Variants in SYNJ1 observed in about 807,000 individuals in gnomAD.
SYNJ1 encodes polyphosphatidylinositol phosphatase SYNJ1.
SYNJ1 carries 78 observed loss-of-function variants against 168.2 expected under a neutral mutation model. The ratio of observed to expected loss-of-function variants is 0.46; its 90% CI spans 0.39 to 0.56. The LOEUF is 0.56. Ranked by LOEUF, SYNJ1 falls within the 20% of genes least tolerant of loss-of-function variation. The pLI is 0.00. For missense variants in SYNJ1, 1,303 were observed against 1,597.6 expected (o/e 0.82, Z 3.14); for synonymous variants, 539 against 548.6 (o/e 0.98, Z 0.24).
chr21:32,710,846 C>T (rs1483689062), intron 2 of SYNJ1, among the ~76,000 whole-genome samples: 2 of 152,072 alleles, frequency 1.3e-5, no homozygotes, highest in Admixed American at 6.6e-5. Context: ...AGAATGGAGG[C>T]CTTAGGAAGG....
intron 2 of SYNJ1, among the ~76,000 whole-genome samples, chr21:32,725,066 T>C (rs2043397369): frequency 6.6e-6 from 1 of 152,236 alleles, no homozygotes; most frequent in Non-Finnish European, 1.5e-5. Flanking sequence ...TTGGAAATAT[T>C]ATTATTCTTA....
At chr21:32,696,296 A>C (rs2146187570) in intron 4 of SYNJ1, among the ~76,000 whole-genome samples, 2 of 152,340 alleles carry the variant, frequency 1.3e-5, no homozygotes, top group South Asian at 4.1e-4. Flanking sequence ...TTAGCATTCT[A>C]GGTAACAGAT....
chr21:32,718,241 T>G (rs1295316370), intron 2 of SYNJ1, among the ~76,000 whole-genome samples: 1 of 152,208 alleles, frequency 6.6e-6, no homozygotes, highest in Non-Finnish European at 1.5e-5. Context: ...CCTTTCCTTT[T>G]TATTTCCTCA....
At chr21:32,659,225 A>C (rs2040583266) in intron 18 of SYNJ1, among the ~76,000 whole-genome samples, 1 of 152,120 alleles carries the variant, frequency 6.6e-6, no homozygotes, top group Admixed American at 6.5e-5. Context: ...CAAAAAAAAA[A>C]CAGCCCTAAA....
At chr21:32,646,103 A>G in intron 24 of SYNJ1, 1 of 678,950 alleles carries the variant, frequency 1.5e-6, no homozygotes, top group South Asian at 1.5e-5. Context: ...GCCAGTAGAG[A>G]GAAGAAAAAG....
At chr21:32,713,098 A>G (rs995561968) in intron 2 of SYNJ1, among the ~76,000 whole-genome samples, 13 of 152,282 alleles carry the variant, frequency 8.5e-5, no homozygotes, top group African/African-American at 2.4e-4. Flanking sequence ...TGAGTAAACT[A>G]CTGCCACTTG....
intron 13 of SYNJ1, among the ~76,000 whole-genome samples, chr21:32,676,013 T>C (rs975813653): frequency 2.4e-4 from 36 of 152,134 alleles, no homozygotes; most frequent in Non-Finnish European, 5.9e-5. Context: ...CTATTAAGAG[T>C]AAGGCATAAC....
In SYNJ1 at chr21:32,639,735, G is replaced by A. The variant is rs771394723; in HGVS notation, c.3633C>T (p.His1211=). 8 of 1,614,134 alleles carry A rather than the reference G, an allele frequency of 5.0e-6. No individual in the cohort carries two copies. Among genetic ancestry groups the A allele is most frequent in the Non-Finnish European group, 5.9e-6 (7 of 1,180,018 alleles). ...TCAGTCTTCCAGCAGATGCCCGCGC[G>A]TGGCTCTGTGGGGCACTGATAACTC... ...RAGVISAPQS[H]ARASAGRLTP... Residue 1211 remains histidine (H), a synonymous_variant, in exon 30 of 33, where the codon CAC becomes CAT. Coordinates refer to ENST00000674351, the MANE Select transcript of SYNJ1 (RefSeq NM_203446.3).
chr21:32,692,885 AC>A (rs1172773399), intron 6 of SYNJ1, among the ~76,000 whole-genome samples: 2 of 152,018 alleles, frequency 1.3e-5, no homozygotes, highest in African/African-American at 4.8e-5. Flanking sequence ...CCCTGTCTCT[AC>A]AAAAAATAGT....
chr21:32,646,567 G>T lies in SYNJ1; in HGVS notation c.3073C>A (p.Leu1025Ile), dbSNP rs1303933213. ...VDDYSAEVEELLPQHLQPSSS... is the reference protein window; with the variant it reads ...VDDYSAEVEEILPQHLQPSSS... ...GATGGCTGGAGATGCTGAGGAAGAA[G>T]TTCCTCCACTTCAGCACTATAGTCA... Residue 1025 changes from leucine (L) to isoleucine (I), a missense_variant, in exon 24 of 33, where the codon CTT becomes ATT. Coordinates refer to ENST00000674351, the MANE Select transcript of SYNJ1 (RefSeq NM_203446.3). 6.2e-7 allele frequency: 1 copy of T among 1,614,134 alleles called. No homozygotes were observed. The highest frequency in any genetic ancestry group is 1.1e-5 in the South Asian group (1 of 91,084).
intron 2 of SYNJ1, among the ~76,000 whole-genome samples, chr21:32,719,985 A>G (rs956092996): frequency 2.0e-5 from 3 of 152,036 alleles, no homozygotes; most frequent in Non-Finnish European, 4.4e-5. Context: ...CACACCTGTA[A>G]TCCCAGGACT....
chr21:32,716,398 C>T (rs2043024112), intron 2 of SYNJ1, among the ~76,000 whole-genome samples: 1 of 152,180 alleles, frequency 6.6e-6, no homozygotes, highest in Non-Finnish European at 1.5e-5. Flanking sequence ...AAAGTCTTTA[C>T]ATCTTCATTT....
At chr21:32,702,128 A>G in intron 2 of SYNJ1, 81 bp from the exon 3 acceptor site, 2 of 1,023,556 alleles carry the variant, frequency 2.0e-6, no homozygotes, top group Non-Finnish European at 2.9e-6. Context: ...CAGAGTTTCA[A>G]TCAAAAGTTT....
rs1282158365 is a variant in SYNJ1 at position 32,641,986 on chromosome 21, T to C, written c.3518-20A>G. 5 of 1,613,642 alleles carry C rather than the reference T, an allele frequency of 3.1e-6. No homozygotes were observed. The highest frequency in any genetic ancestry group is 4.2e-6 in the Non-Finnish European group (5 of 1,179,886). On this transcript the variant is annotated intron_variant, in intron 28 of 32. Transcript: ENST00000674351. ...TGCGTCCTGGAACAAAGACATCATA[T>C]CATATATTTAAGTTTAAAAAAATAA...
chr21:32,661,943 C>T (rs1310814476), intron 18 of SYNJ1, among the ~76,000 whole-genome samples: 1 of 152,140 alleles, frequency 6.6e-6, no homozygotes, highest in Admixed American at 6.5e-5. Context: ...CTTATTCTCC[C>T]CAGTTCACCC....
chr21:32,675,899 C>T (rs760795948), intron 13 of SYNJ1, among the ~76,000 whole-genome samples: 3 of 152,256 alleles, frequency 2.0e-5, no homozygotes, highest in Middle Eastern at 3.4e-3. Context: ...ACAATGCCTT[C>T]TTAAATATTA....
chr21:32,695,228 C>T lies in SYNJ1; in HGVS notation c.534G>A (p.Trp178Ter), dbSNP rs1484433045. The T allele has an allele frequency of 6.2e-7, 1 of 1,613,960 alleles. No homozygotes were observed. Among genetic ancestry groups the T allele is most frequent in the African/African-American group, 1.3e-5 (1 of 74,898 alleles). Residue 178 changes from tryptophan to a stop codon, truncating the protein, a stop_gained, in exon 5 of 33, where the codon TGG (tryptophan) becomes TGA (stop). Coordinates refer to ENST00000674351, the MANE Select transcript of SYNJ1 (RefSeq NM_203446.3). LOFTEE classifies it high-confidence loss of function. The stretch of plus-strand genomic sequence containing the variant: ...CTCCTCCACACATAAGACGTAATAA[C>T]CAGTCATCACAATTCACGCCATAGT... ...LKHYGVNCDD[W>*]LLRLMCGGVE...
Position 32,653,375 on chromosome 21 carries a change from A to G in SYNJ1, c.2796-9T>C. 1 of 1,582,820 alleles carries G rather than the reference A, an allele frequency of 6.3e-7. No homozygotes were observed. Among genetic ancestry groups the G allele is most frequent in the Admixed American group, 1.7e-5 (1 of 59,892 alleles). Reference sequence around the variant, plus strand: ...TTTTATCTTCTACAAATCTTTAAGAAAAACAATAAAAAACCATAATTAATA... The same window carrying G: ...TTTTATCTTCTACAAATCTTTAAGAGAAACAATAAAAAACCATAATTAATA... On this transcript the variant is annotated splice_polypyrimidine_tract_variant and intron_variant, in intron 21 of 32. Coordinates refer to ENST00000674351, the MANE Select transcript of SYNJ1 (RefSeq NM_203446.3).
chr21:32,717,624 C>T (rs1335910296), intron 2 of SYNJ1, among the ~76,000 whole-genome samples: 1 of 152,198 alleles, frequency 6.6e-6, no homozygotes, highest in African/African-American at 2.4e-5. Flanking sequence ...GACTTCTCCA[C>T]TCTAGTTGTT....
Sources: allele counts gnomAD v4.1 joint callset (sites outside exome capture counted in the v4.1 genomes callset), GRCh38; gene constraint gnomAD v4.1.1; transcripts MANE v1.5; gene names NCBI Gene and HGNC (gene_info 2026-07-23, HGNC 2026-07-21).